Variants in CDK5RAP2 observed in about 807,000 individuals in gnomAD.
CDK5RAP2 encodes CDK5 regulatory subunit-associated protein 2.
A neutral mutation model predicts 232.9 loss-of-function variants in CDK5RAP2; 147 were observed. The ratio of observed to expected loss-of-function variants is 0.63; its 90% confidence interval spans 0.55 to 0.72. CDK5RAP2 has a LOEUF of 0.72. Ranked by LOEUF, CDK5RAP2 falls within the 30% of genes least tolerant of loss-of-function variation. The probability of loss-of-function intolerance (pLI) is 0.00; values close to 1 mark genes in which losing one functional copy is unlikely to be tolerated. For missense variants in CDK5RAP2, 2,195 were observed against 2,231.5 expected, an observed-to-expected ratio of 0.98 and a Z score of 0.33; for synonymous variants, 833 against 833.7, an observed-to-expected ratio of 1.00 and a Z score of 0.01.
intron 20 of CDK5RAP2, among the ~76,000 whole-genome samples, chr9:120,455,362 C>T (rs992045336): frequency 4.2e-5 from 5 of 118,928 alleles, no homozygotes; most frequent in Admixed American, 9.7e-5. Flanking sequence ...GAGTCCTGTA[C>T]AACACGTTAA....
At position 120,568,548 on chromosome 9, in the gene CDK5RAP2, A is replaced by T. The variant is rs1359459164; in HGVS notation, c.128-160T>A. 2.0e-5 allele frequency among the ~76,000 whole-genome samples: 3 copies of T among 152,176 alleles called. No homozygotes were observed. The East Asian group carries it at 5.8e-4, about 29-fold the overall frequency. Reference sequence around the variant, plus strand: ...GTGATTTACTGATTTTGCTCCAGGGAAAGCTCTAAACCATTAATTTACAAA... The same window carrying T: ...GTGATTTACTGATTTTGCTCCAGGGTAAGCTCTAAACCATTAATTTACAAA... On this transcript the variant is annotated intron_variant, in intron 2 of 37. Coordinates refer to ENST00000349780, the MANE Select transcript of CDK5RAP2 (RefSeq NM_018249.6).
intron 3 of CDK5RAP2, among the ~76,000 whole-genome samples, chr9:120,552,699 G>T (rs555160658): frequency 8.7e-6 from 1 of 114,558 alleles, no homozygotes; most frequent in Non-Finnish European, 1.7e-5. Context: ...GTTGTGGGGT[G>T]GGGGGAGGGG....
At chr9:120,400,229 G>A (rs1237422619) in intron 35 of CDK5RAP2, among the ~76,000 whole-genome samples, 1 of 152,124 alleles carries the variant, frequency 6.6e-6, no homozygotes, top group Non-Finnish European at 1.5e-5. Flanking sequence ...TCCTGGTTTG[G>A]AGCCTGTCAT....
intron 4 of CDK5RAP2, among the ~76,000 whole-genome samples, chr9:120,548,875 G>A (rs1379904311): frequency 6.6e-6 from 1 of 152,146 alleles, no homozygotes; most frequent in African/African-American, 2.4e-5. Flanking sequence ...CATTAAGTAA[G>A]GCGAGGCGCA....
intron 35 of CDK5RAP2, 130 bp from the exon 36 acceptor site, chr9:120,394,768 G>T: frequency 1.2e-6 from 1 of 829,268 alleles, no homozygotes; most frequent in Non-Finnish European, 1.9e-6. Context: ...GAAACTAGAA[G>T]CCTTTTCCTG....
rs763605383 is a variant in CDK5RAP2, at chr9:120,408,457, T to A, written c.4616A>T (p.Glu1539Val). 1.5e-5 allele frequency: 25 copies of A among 1,613,950 alleles called. No homozygotes were observed. The highest frequency in any genetic ancestry group is 1.9e-5 in the Non-Finnish European group (22 of 1,179,992). The change falls in exon 31 of 38, where the codon GAG becomes GTG. Residue 1539 changes from glutamate to valine, a missense_variant. Glu to Val is a moderately radical substitution (Grantham distance 121). Transcript: ENST00000349780. ...SGQELSRVQE[E>V]VKLRQQLLSQ... ...GAGCAGCTGCTGCCTCAACTTCACC[T>A]CCTCCTGCACCCTGAGAAGGCCCCA... is the stretch of plus-strand genomic sequence containing the variant.
intron 3 of CDK5RAP2, among the ~76,000 whole-genome samples, chr9:120,560,228 A>C (rs2042413258): frequency 6.6e-6 from 1 of 152,244 alleles, no homozygotes. Flanking sequence ...GTGTTGGCTC[A>C]TCTATAAAAT....
At position 120,394,609 on chromosome 9, in the gene CDK5RAP2, T is replaced by C. The variant is rs1415348806; in HGVS notation, c.5481A>G (p.Lys1827=). 1 of 1,614,022 alleles carries C rather than the reference T, an allele frequency of 6.2e-7. No homozygotes were observed. The highest frequency in any genetic ancestry group is 1.1e-5 in the South Asian group (1 of 91,086). The part of the protein sequence containing the change: ...QIGEMKAEVT[K]LHKKLFEQEK... ...CTTGTTCAAACAATTTTTTATGTAG[T>C]TTGGTGACCTCTGCCTTCATTTCTC... The change falls in exon 36 of 38, where the codon AAA becomes AAG. Residue 1827 remains lysine (K), a synonymous_variant. Transcript: ENST00000349780.
At chr9:120,458,413 C>A (rs1224578283) in intron 20 of CDK5RAP2, 37 bp downstream of exon 20, 2 of 1,603,578 alleles carry the variant, frequency 1.2e-6, no homozygotes, top group Non-Finnish European at 8.5e-7. Context: ...TCCCCTAGAA[C>A]TAGAGAAACA....
intron 2 of CDK5RAP2, 113 bp downstream of exon 2, chr9:120,571,861 C>G: frequency 1.2e-6 from 1 of 804,068 alleles, no homozygotes; most frequent in East Asian, 2.5e-5. Flanking sequence ...CTACGGTGTG[C>G]CAGTTCAGGG....
chr9:120,557,459 A>G (rs1054402011), intron 3 of CDK5RAP2, among the ~76,000 whole-genome samples: 3 of 152,150 alleles, frequency 2.0e-5, no homozygotes, highest in African/African-American at 7.2e-5. Flanking sequence ...GGACAGACAC[A>G]TTTAAGAATT....
In CDK5RAP2 at chr9:120,518,583, T is replaced by G; in HGVS notation, c.1155A>C (p.Ser385=). The G allele has an allele frequency of 6.2e-7, 1 of 1,613,852 alleles. No homozygotes were observed. The highest frequency in any genetic ancestry group is 1.7e-5 in the Admixed American group (1 of 59,976). ...GKEALSAALR[S]QNLTKSTENH... is the part of the protein sequence containing the mutation. The stretch of plus-strand genomic sequence containing the variant: ...TCTCTGTACTCTTGGTGAGGTTTTG[T>G]GAGCGCAGCGCAGCCGAAAGGGCTT... The change falls in exon 12 of 38, where the codon TCA becomes TCC. Residue 385 remains serine (S), a synonymous_variant. Coordinates refer to ENST00000349780, the MANE Select transcript of CDK5RAP2 (RefSeq NM_018249.6).
At position 120,400,994 on chromosome 9, in the gene CDK5RAP2, C is replaced by T. The variant is rs551175283; in HGVS notation, c.5308-109G>A. Reference sequence around the variant, plus strand: ...CAGACTGTAGGGCTTCTGTTTCACACGCTGAGCGAAAGCCTGGTACCACAT... The same window carrying T: ...CAGACTGTAGGGCTTCTGTTTCACATGCTGAGCGAAAGCCTGGTACCACAT... On this transcript the variant is annotated intron_variant, in intron 34 of 37. Coordinates refer to ENST00000349780, the MANE Select transcript of CDK5RAP2 (RefSeq NM_018249.6). 3.1e-5 allele frequency: 38 copies of T among 1,232,902 alleles called. 1 individual carries two copies. The highest frequency in any genetic ancestry group is 2.1e-4 in the Middle Eastern group (1 of 4,796). The allele number at this position is 1,232,902 out of a possible 1,614,324, so 76.4% of individuals were successfully genotyped here.
intron 18 of CDK5RAP2, among the ~76,000 whole-genome samples, chr9:120,464,028 C>CT (rs1177688408): frequency 6.6e-6 from 1 of 152,220 alleles, no homozygotes; most frequent in Admixed American, 6.5e-5. Flanking sequence ...TCTCTATCCC[C>CT]TGCAAGCTGG....
intron 27 of CDK5RAP2, among the ~76,000 whole-genome samples, chr9:120,418,329 AG>A (rs1564191900): frequency 1.3e-5 from 2 of 152,246 alleles, no homozygotes; most frequent in African/African-American, 2.4e-5. Context: ...GGTGGTGGAC[AG>A]GGCGAAGGGT....
chr9:120,518,058 A>G (rs2040420402), intron 12 of CDK5RAP2, among the ~76,000 whole-genome samples: 1 of 152,202 alleles, frequency 6.6e-6, no homozygotes. Context: ...GCTGGCACAA[A>G]AAAAATTGTT....
chr9:120,415,142 T>A lies in CDK5RAP2; in HGVS notation c.4195A>T (p.Ile1399Leu). 6.2e-7 allele frequency: 1 copy of A among 1,614,126 alleles called. No individual in the cohort carries two copies. The highest frequency in any genetic ancestry group is 8.5e-7 in the Non-Finnish European group (1 of 1,179,946). Reference sequence around the variant, plus strand: ...TTTCTCAAAGTTCGAATTTCCTGTATGTGTTCCATTAGTAAGTCTACAGGA... The same window carrying A: ...TTTCTCAAAGTTCGAATTTCCTGTAAGTGTTCCATTAGTAAGTCTACAGGA... ...SFSQDLLMEHIQEIRTLRKRL... is the reference protein window; with the variant it reads ...SFSQDLLMEHLQEIRTLRKRL... The change falls in exon 28 of 38, where the codon ATA becomes TTA. Residue 1399 changes from isoleucine to leucine, a missense_variant. Coordinates refer to ENST00000349780, the MANE Select transcript of CDK5RAP2 (RefSeq NM_018249.6).
intron 12 of CDK5RAP2, among the ~76,000 whole-genome samples, chr9:120,494,412 G>A (rs1355898309): frequency 2.0e-5 from 3 of 152,170 alleles, no homozygotes; most frequent in Non-Finnish European, 4.4e-5. Context: ...ATGAGCCTAG[G>A]AGATCTTGTG....
chr9:120,546,923 T>G (rs2041864417), intron 4 of CDK5RAP2, among the ~76,000 whole-genome samples: 1 of 152,162 alleles, frequency 6.6e-6, no homozygotes, highest in Non-Finnish European at 1.5e-5. Flanking sequence ...AGCTCCTCTT[T>G]TATTTTAATA....
Sources: gnomAD v4.1 joint callset for allele counts (sites outside exome capture counted in the v4.1 genomes callset) on GRCh38, gnomAD v4.1.1 for gene constraint, MANE v1.5 for transcripts, NCBI Gene and HGNC (gene_info 2026-07-23, HGNC 2026-07-21) for gene names.